The following HSD17B12 variants were observed in gnomAD, a reference collection of about 807,000 sequenced individuals.
HSD17B12 encodes the protein hydroxysteroid 17-beta dehydrogenase 12.
Under a neutral mutation model 39.3 loss-of-function variants are expected in HSD17B12, and 32 were observed. That is an observed-to-expected ratio of 0.81 (90% confidence interval 0.61 to 1.09). HSD17B12 has a LOEUF of 1.09. HSD17B12 is among the 50% of genes least tolerant of loss of function. HSD17B12 has a pLI of 0.00. For missense variants in HSD17B12, 342 were observed against 382.9 expected (o/e 0.89, Z 0.89); for synonymous variants, 150 against 146.7 (o/e 1.02, Z -0.16).
chr11:43,606,584 C>A, the HSD17B12 span, among the ~76,000 whole-genome samples: 1 of 152,334 alleles, frequency 6.6e-6, no homozygotes, highest in East Asian at 1.9e-4. Context: ...GAGCTTGACA[C>A]TTGAGGACTT....
At chr11:43,602,127 A>G in the HSD17B12 span, among the ~76,000 whole-genome samples, 4 of 152,208 alleles carry the variant, frequency 2.6e-5, no homozygotes, top group African/African-American at 9.7e-5. Flanking sequence ...CTCTGGGTTC[A>G]TTCACTTCCA....
At chr11:43,711,022 A>G (rs547608407) in intron 1 of HSD17B12, among the ~76,000 whole-genome samples, 5 of 152,250 alleles carry the variant, frequency 3.3e-5, no homozygotes, top group African/African-American at 1.2e-4. Flanking sequence ...CGAACTCCTG[A>G]CCTCAAGTGA....
intron 9 of HSD17B12, among the ~76,000 whole-genome samples, chr11:43,846,338 T>C (rs1951474679): frequency 2.0e-5 from 3 of 152,250 alleles, no homozygotes; most frequent in Non-Finnish European, 4.4e-5. Flanking sequence ...GATATTAACC[T>C]AGTCCCATTT....
intron 1 of HSD17B12, chr11:43,734,601 T>TG (rs34444255): frequency 0.67 from 266,774 of 397,824 alleles, 90,771 homozygotes; most frequent in East Asian, 0.76. Flanking sequence ...ACGGGCCAAC[T>TG]GGCCACAGCC....
At chr11:43,614,019 A>G in the HSD17B12 span, among the ~76,000 whole-genome samples, 1 of 152,134 alleles carries the variant, frequency 6.6e-6, no homozygotes, top group East Asian at 1.9e-4. Flanking sequence ...GAATTTGACA[A>G]TGTGATTTTT....
At chr11:43,785,854 C>T (rs1254518749) in intron 3 of HSD17B12, among the ~76,000 whole-genome samples, 3 of 152,240 alleles carry the variant, frequency 2.0e-5, no homozygotes, top group South Asian at 2.1e-4. Flanking sequence ...ATGCATTGAT[C>T]ACTTGGAAAA....
chr11:43,761,489 T>A (rs578124204), intron 3 of HSD17B12, among the ~76,000 whole-genome samples: 12 of 152,370 alleles, frequency 7.9e-5, no homozygotes, highest in Admixed American at 3.3e-4. Flanking sequence ...AAACTTATTG[T>A]GGTAAAGGAA....
intron 1 of HSD17B12, among the ~76,000 whole-genome samples, chr11:43,712,199 C>A (rs1050388847): frequency 6.6e-6 from 1 of 151,942 alleles, no homozygotes; most frequent in Non-Finnish European, 1.5e-5. Context: ...GAGGCGGAGG[C>A]GGGCAGATCA....
the HSD17B12 span, among the ~76,000 whole-genome samples, chr11:43,674,468 G>A: frequency 6.6e-6 from 1 of 152,188 alleles, no homozygotes; most frequent in Non-Finnish European, 1.5e-5. Context: ...AGGCTGAGGT[G>A]ATCAGAATAA....
chr11:43,614,713 T>G, the HSD17B12 span, among the ~76,000 whole-genome samples: 4 of 152,154 alleles, frequency 2.6e-5, 1 homozygote, highest in Admixed American at 2.6e-4. Context: ...TTTATTTTCT[T>G]TGGTCTTTTC....
At chr11:43,734,390 G>A (rs758727760) in intron 1 of HSD17B12, 104 of 823,342 alleles carry the variant, frequency 1.3e-4, no homozygotes, top group Non-Finnish European at 2.1e-4. Context: ...CATCATCTCT[G>A]CTGAGGGTGA....
chr11:43,660,730 G>GT, the HSD17B12 span, among the ~76,000 whole-genome samples: 57 of 152,326 alleles, frequency 3.7e-4, no homozygotes, highest in African/African-American at 1.3e-3. Flanking sequence ...GTATATGAAT[G>GT]TTCATAGCTG....
At chr11:43,834,574 A>T (rs78240178) in intron 7 of HSD17B12, among the ~76,000 whole-genome samples, 2,143 of 152,304 alleles carry the variant, frequency 0.014, 68 homozygotes, top group African/African-American at 0.047. Flanking sequence ...CCTCTATGAC[A>T]GTAGAATTTT....
chr11:43,822,674 T>G (rs1169791205), intron 6 of HSD17B12, among the ~76,000 whole-genome samples: 1 of 152,234 alleles, frequency 6.6e-6, no homozygotes, highest in African/African-American at 2.4e-5. Flanking sequence ...ATCCTTTTTA[T>G]GGCTGCATAG....
At chr11:43,619,352 G>A in the HSD17B12 span, among the ~76,000 whole-genome samples, 5 of 144,096 alleles carry the variant, frequency 3.5e-5, no homozygotes, top group Admixed American at 2.9e-4. Context: ...GAGCACTTGA[G>A]CACTTATGCA....
At chr11:43,729,065 A>G (rs1267331518) in intron 1 of HSD17B12, among the ~76,000 whole-genome samples, 1 of 152,196 alleles carries the variant, frequency 6.6e-6, no homozygotes, top group Non-Finnish European at 1.5e-5. Flanking sequence ...TTGGTATTGT[A>G]AACAGTGCTG....
chr11:43,652,943 A>G, the HSD17B12 span, among the ~76,000 whole-genome samples: 1 of 152,202 alleles, frequency 6.6e-6, no homozygotes, highest in East Asian at 1.9e-4. Context: ...GAAACCCAGT[A>G]AGGCTGGACA....
At chr11:43,759,097 C>T (rs1202185864) in intron 3 of HSD17B12, among the ~76,000 whole-genome samples, 1 of 152,154 alleles carries the variant, frequency 6.6e-6, no homozygotes, top group Non-Finnish European at 1.5e-5. Flanking sequence ...ATGGGTTGAA[C>T]TCATCGTTCT....
chr11:43,836,470 T>C (rs1030494816), intron 7 of HSD17B12, among the ~76,000 whole-genome samples: 21 of 152,284 alleles, frequency 1.4e-4, no homozygotes, highest in African/African-American at 5.1e-4. Flanking sequence ...TTAAAGGTGA[T>C]ACATTCCAAT....
Sources: gnomAD v4.1 joint callset for allele counts (sites outside exome capture counted in the v4.1 genomes callset) on GRCh38, gnomAD v4.1.1 for gene constraint, MANE v1.5 for transcripts, NCBI Gene and HGNC (gene_info 2026-07-23, HGNC 2026-07-21) for gene names.